The following RASA2 variants were observed in gnomAD, a reference collection of about 807,000 sequenced individuals.
The protein encoded by RASA2 is ras GTPase-activating protein 2.
In RASA2, 155 loss-of-function variants were observed where a neutral mutation model predicts 118.2. The observed-to-expected ratio is 1.31, with a 90% CI of 1.15 to 1.50. The LOEUF is 1.50. Ranked by LOEUF, RASA2 falls within the 40% of genes most tolerant of loss-of-function variation. The pLI, the probability that RASA2 is intolerant of heterozygous loss-of-function variation, is 0.00. For synonymous variants in RASA2, 353 were observed against 349.1 expected, an observed-to-expected ratio of 1.01 and a Z score of -0.12; for missense variants, 1,016 against 1,009.6, an observed-to-expected ratio of 1.01 and a Z score of -0.09.
Position 141,514,499 on chromosome 3 carries a change from G to T in RASA2, c.252-1829G>T, listed in dbSNP as rs905309020. 2.0e-5 allele frequency among the ~76,000 whole-genome samples: 3 copies of T among 152,124 alleles called. No homozygotes were observed. In the South Asian group the frequency reaches 6.2e-4, roughly 32 times the overall value. On this transcript the variant is annotated intron_variant, in intron 2 of 23. Coordinates refer to ENST00000286364, the MANE Select transcript of RASA2 (RefSeq NM_006506.5). ...TGATTATAAGGTAGAGATTACATAG[G>T]TGTATACATTTATCATGTTACATTC...
chr3:141,608,545 A>G lies in RASA2; in HGVS notation c.2073A>G (p.Val691=), dbSNP rs768453137. ...TCTATGTCCAGGCAAATAACTGTGT[A>G]GAAGCTAATGAATGGATAGACGTAC... The part of the protein sequence containing the change: ...KPLYVQANNC[V]EANEWIDVLC... Residue 691 remains valine, a synonymous_variant, in exon 21 of 24, where the codon GTA becomes GTG. Coordinates refer to ENST00000286364, the MANE Select transcript of RASA2 (RefSeq NM_006506.5). The G allele has an allele frequency of 6.2e-7, 1 of 1,614,032 alleles. No individual in the cohort carries two copies. The highest frequency in any genetic ancestry group is 8.5e-7 in the Non-Finnish European group (1 of 1,179,916).
intron 1 of RASA2, among the ~76,000 whole-genome samples, chr3:141,506,777 A>G (rs1312856239): frequency 1.3e-5 from 2 of 152,072 alleles, no homozygotes; most frequent in Non-Finnish European, 2.9e-5. Context: ...TTAGTCAGGC[A>G]TGGTGGTATG....
At position 141,611,100 on chromosome 3, in the gene RASA2, C is replaced by T. The variant is rs143821715; in HGVS notation, c.2519+1034C>T. On this transcript the variant is annotated intron_variant, in intron 23 of 23. Coordinates refer to ENST00000286364, the MANE Select transcript of RASA2 (RefSeq NM_006506.5). ...AGCTTATGTAGATTGCTTTTAGAAG[C>T]AAGTTAATGAAGTCCCAATTGAGGT... 1.2e-3 allele frequency among the ~76,000 whole-genome samples: 189 copies of T among 152,272 alleles called. 2 individuals carry two copies. The highest frequency in any genetic ancestry group is 4.3e-3 in the African/African-American group (180 of 41,554).
At position 141,614,198 on chromosome 3, in the gene RASA2, GT is replaced by G. The variant is rs933330646; in HGVS notation, c.*1889del. 4 of 151,714 alleles carry G rather than the reference GT, an allele frequency of 2.6e-5. No individual in the cohort carries two copies. The East Asian group carries it at 7.7e-4, about 29-fold the overall frequency. 9.4% of individuals were successfully genotyped at this position (151,714 alleles called of 1,614,324 possible). A position where few individuals can be genotyped will look rare whatever the true frequency, so the allele number is the denominator to read the frequency against. Reference sequence around the variant, plus strand: ...TAATACCAAATCCCCAATTGTGATTGTTTTAAAGATCATGGTATGATCACAG... The same window carrying G: ...TAATACCAAATCCCCAATTGTGATTGTTTAAAGATCATGGTATGATCACAG... On this transcript the variant is annotated 3_prime_UTR_variant, in exon 24 of 24. Transcript: ENST00000286364.
chr3:141,505,201 C>T (rs115794516), intron 1 of RASA2, among the ~76,000 whole-genome samples: 2,741 of 152,262 alleles, frequency 0.018, 34 homozygotes, highest in Non-Finnish European at 0.022. Context: ...TGGTATTTGT[C>T]GTCCCTGTAT....
At chr3:141,558,091 C>G (rs1204635554) in intron 7 of RASA2, among the ~76,000 whole-genome samples, 1 of 152,128 alleles carries the variant, frequency 6.6e-6, no homozygotes, top group East Asian at 1.9e-4. Context: ...AAACTAATTT[C>G]TGCGACTCAA....
At chr3:141,558,164 G>T (rs1022766954) in intron 7 of RASA2, among the ~76,000 whole-genome samples, 2 of 152,166 alleles carry the variant, frequency 1.3e-5, no homozygotes, top group Admixed American at 6.5e-5. Flanking sequence ...TTAAGTGAGG[G>T]TAATAAATCT....
intron 5 of RASA2, among the ~76,000 whole-genome samples, chr3:141,542,346 A>T (rs1368055553): frequency 1.3e-5 from 2 of 152,142 alleles, no homozygotes; most frequent in African/African-American, 4.8e-5. Context: ...TCCACACTGT[A>T]CGTATATCAT....
intron 5 of RASA2, among the ~76,000 whole-genome samples, chr3:141,544,680 C>G (rs1048951299): frequency 6.6e-6 from 1 of 151,462 alleles, no homozygotes; most frequent in Non-Finnish European, 1.5e-5. Flanking sequence ...TTTTTTGTTT[C>G]AAACATATTC....
chr3:141,541,474 A>G (rs2082403793), intron 5 of RASA2, among the ~76,000 whole-genome samples: 1 of 152,192 alleles, frequency 6.6e-6, no homozygotes, highest in Middle Eastern at 3.4e-3. Context: ...AAGATTGCAT[A>G]TGTATGACTC....
chr3:141,524,933 C>T (rs2082164910), intron 3 of RASA2, among the ~76,000 whole-genome samples: 6 of 152,024 alleles, frequency 3.9e-5, no homozygotes, highest in Admixed American at 3.9e-4. Flanking sequence ...TCTGCTAGTG[C>T]TCAAGTAGGA....
intron 19 of RASA2, among the ~76,000 whole-genome samples, chr3:141,590,863 A>C (rs2083276308): frequency 6.6e-6 from 1 of 152,230 alleles, no homozygotes; most frequent in Non-Finnish European, 1.5e-5. Context: ...CTCTGTATTA[A>C]GGATTTTTCT....
Position 141,559,900 on chromosome 3 carries a change from C to G in RASA2, c.768C>G (p.Asp256Glu). Reference sequence around the variant, plus strand: ...GCCAGTTTTCAATTTTCAGGATCGACTTGTGGAACAATGGAAACCTAGTCC... The same window carrying G: ...GCCAGTTTTCAATTTTCAGGATCGAGTTGTGGAACAATGGAAACCTAGTCC... The part of the protein sequence containing the change: ...EDIEKLEIRI[D>E]LWNNGNLVQD... The change falls in exon 9 of 24, where the codon GAC becomes GAG. Residue 256 changes from aspartate (D) to glutamate (E), a missense_variant. By Grantham distance (45) the Asp-to-Glu change is conservative. This residue lies in a region of RASA2 where 896 missense variants were observed against 836.4 expected (regional missense o/e 1.07). Coordinates refer to ENST00000286364, the MANE Select transcript of RASA2 (RefSeq NM_006506.5). The G allele has an allele frequency of 6.2e-7, 1 of 1,612,854 alleles. No homozygotes were observed. The highest frequency in any genetic ancestry group is 8.5e-7 in the Non-Finnish European group (1 of 1,179,146).
chr3:141,584,330 C>CAA (rs56396460), intron 17 of RASA2, among the ~76,000 whole-genome samples: 47 of 60,602 alleles, frequency 7.8e-4, no homozygotes, highest in East Asian at 1.0e-3. Context: ...AACTCCATCC[C>CAA]AAAAAAAAAA....
intron 5 of RASA2, among the ~76,000 whole-genome samples, chr3:141,543,589 T>C (rs971287554): frequency 3.9e-5 from 6 of 152,180 alleles, no homozygotes; most frequent in Non-Finnish European, 5.9e-5. Flanking sequence ...AGAGTAAGTC[T>C]CTTGGTGATA....
chr3:141,595,703 A>G (rs2083355568), intron 19 of RASA2, among the ~76,000 whole-genome samples: 6 of 151,802 alleles, frequency 4.0e-5, no homozygotes, highest in Non-Finnish European at 7.4e-5. Flanking sequence ...GACATAGCTC[A>G]CTGCAGCCTT....
chr3:141,570,020 A>G (rs2082891068), intron 9 of RASA2, among the ~76,000 whole-genome samples: 1 of 151,352 alleles, frequency 6.6e-6, no homozygotes, highest in Admixed American at 6.6e-5. Context: ...TGTTTAAGCT[A>G]GATAATGGGT....
chr3:141,520,310 C>G (rs2082092616), intron 3 of RASA2, among the ~76,000 whole-genome samples: 1 of 152,090 alleles, frequency 6.6e-6, no homozygotes, highest in Admixed American at 6.6e-5. Flanking sequence ...CACGCCCCAC[C>G]AGGAAGAACA....
intron 1 of RASA2, among the ~76,000 whole-genome samples, chr3:141,500,183 C>T (rs1031163585): frequency 2.6e-5 from 4 of 152,164 alleles, no homozygotes; most frequent in Non-Finnish European, 5.9e-5. Flanking sequence ...ATAACAGCTA[C>T]ATAACTTTTT....
Sources: allele counts gnomAD v4.1 joint callset (sites outside exome capture counted in the v4.1 genomes callset), GRCh38; gene constraint gnomAD v4.1.1; regional missense constraint gnomAD v4.1.1; transcripts MANE v1.5; gene names NCBI Gene and HGNC (gene_info 2026-07-23, HGNC 2026-07-21).